Variants in TJP3 observed in about 807,000 individuals in gnomAD.
TJP3 encodes tight junction protein 3.
In TJP3, 85 loss-of-function variants were observed where a neutral mutation model predicts 104.2. The observed-to-expected ratio is 0.82, with a 90% CI of 0.68 to 0.98. The LOEUF is 0.98. Among genes scored for constraint, TJP3 ranks in the 50% least tolerant of loss-of-function variants. TJP3 has a pLI of 0.00. For synonymous variants in TJP3, 550 were observed against 550.6 expected, an observed-to-expected ratio of 1.00 and a Z score of 0.02; for missense variants, 1,367 against 1,322.8, an observed-to-expected ratio of 1.03 and a Z score of -0.52.
chr19:3,745,683 G>A (rs1311565992), intron 15 of TJP3, among the ~76,000 whole-genome samples: 1 of 152,142 alleles, frequency 6.6e-6, no homozygotes, highest in Non-Finnish European at 1.5e-5. Flanking sequence ...GGAGAGCCAG[G>A]GGCTGCAGCT....
At position 3,746,394 on chromosome 19, in the gene TJP3, T is replaced by C; in HGVS notation, c.2011-91T>C. 1.4e-6 allele frequency: 2 copies of C among 1,422,026 alleles called. No homozygotes were observed. The highest frequency in any genetic ancestry group is 1.9e-6 in the Non-Finnish European group (2 of 1,030,054). 88.1% of individuals were successfully genotyped at this position (1,422,026 alleles called of 1,614,324 possible). On this transcript the variant is annotated intron_variant, in intron 16 of 20. Transcript: ENST00000541714. The surrounding 1 kb of genome is among the most constrained non-coding windows in gnomAD (Gnocchi z 4.1). The stretch of plus-strand genomic sequence containing the variant: ...GTGGATGTGAGAGGCTGGGGTCCAC[T>C]CTGACCTCAGACTCTTCATCTTTCT...
At chr19:3,717,676 C>T (rs919873463) in intron 1 of TJP3, among the ~76,000 whole-genome samples, 17 of 151,988 alleles carry the variant, frequency 1.1e-4, no homozygotes, top group Non-Finnish European at 2.2e-4. Flanking sequence ...TCAAGTGATC[C>T]TCCTGCCTTG....
At chr19:3,742,708 C>T (rs1343349196) in intron 14 of TJP3, among the ~76,000 whole-genome samples, 4 of 146,430 alleles carry the variant, frequency 2.7e-5, no homozygotes, top group East Asian at 2.2e-4. Context: ...TTTGGGAGGC[C>T]GAGGTGTAAT....
Position 3,741,800 on chromosome 19 carries a change from C to G in TJP3, c.1843+1037C>G, listed in dbSNP as rs535633819. On this transcript the variant is annotated intron_variant, in intron 14 of 20. Coordinates refer to ENST00000541714, the MANE Select transcript of TJP3 (RefSeq NM_001267560.2). ...CCTGGCCCACATGGTGAAATCCCAT[C>G]TCTACTAAAAGTACAAAAAATTAGC... Among the ~76,000 whole-genome samples, 30 of 150,520 alleles carry G rather than the reference C, an allele frequency of 2.0e-4. 1 individual carries two copies. The South Asian group carries it at 6.3e-3, about 32-fold the overall frequency.
At chr19:3,713,879 CT>C (rs2036454255) in intron 1 of TJP3, among the ~76,000 whole-genome samples, 1 of 147,266 alleles carries the variant, frequency 6.8e-6, no homozygotes. Flanking sequence ...ACATGCCCAG[CT>C]AATTTTTTTT....
intron 1 of TJP3, among the ~76,000 whole-genome samples, chr19:3,720,710 C>T (rs966702426): frequency 1.3e-5 from 2 of 151,998 alleles, no homozygotes; most frequent in South Asian, 2.1e-4. Flanking sequence ...CTGGTCCAGT[C>T]CCTCCTAGGT....
chr19:3,715,208 G>C (rs2036466485), intron 1 of TJP3, among the ~76,000 whole-genome samples: 2 of 151,680 alleles, frequency 1.3e-5, no homozygotes, highest in African/African-American at 4.8e-5. Flanking sequence ...TCCTGCCTCA[G>C]CCTCCCGAGT....
Position 3,744,104 on chromosome 19 carries a change from G to A in TJP3, c.1939+70G>A, listed in dbSNP as rs78473907. The A allele has an allele frequency of 1.4e-4, 200 of 1,436,464 alleles. No homozygotes were observed. The African/African-American group carries it at 2.0e-3, about 14-fold the overall frequency. The allele number at this position is 1,436,464 out of a possible 1,614,324, so 89.0% of individuals were successfully genotyped here. A position where few individuals can be genotyped will look rare whatever the true frequency, so the allele number is the denominator to read the frequency against. On this transcript the variant is annotated intron_variant, in intron 15 of 20. Transcript: ENST00000541714. ...CACAACTGTTTTTTTGTGGGGGGTC[G>A]GGGGAGAGTTAGAATAATGATGGCA...
chr19:3,732,132 G>A (rs2036680044), intron 6 of TJP3, 94 bp downstream of exon 6: 3 of 1,016,856 alleles, frequency 3.0e-6, no homozygotes, highest in Non-Finnish European at 4.2e-6. Flanking sequence ...AGCAGAACTG[G>A]GCCCCAAAGC....
At position 3,730,904 on chromosome 19, in the gene TJP3, T is replaced by A. The variant is rs576381948; in HGVS notation, c.613+198T>A. On this transcript the variant is annotated intron_variant, in intron 5 of 20. Transcript: ENST00000541714. The surrounding 1 kb of genome is among the most constrained non-coding windows in gnomAD (Gnocchi z 7.3). ...CCATGTTGGCAAGGATGGTTTCGAATTCTTGACCTCAGGTGATTCACCCAC... is the reference window on the plus strand; with the variant it reads ...CCATGTTGGCAAGGATGGTTTCGAAATCTTGACCTCAGGTGATTCACCCAC... 6.6e-6 allele frequency among the ~76,000 whole-genome samples: 1 copy of A among 152,216 alleles called. No homozygotes were observed. Among genetic ancestry groups the A allele is most frequent in the African/African-American group, 2.4e-5 (1 of 41,538 alleles).
chr19:3,744,443 A>G (rs1476095185), intron 15 of TJP3, among the ~76,000 whole-genome samples: 1 of 152,052 alleles, frequency 6.6e-6, no homozygotes, highest in African/African-American at 2.4e-5. Flanking sequence ...AGGCGGGTGG[A>G]TCACGAGGTC....
At chr19:3,745,794 C>A (rs1379548693) in intron 15 of TJP3, among the ~76,000 whole-genome samples, 1 of 152,194 alleles carries the variant, frequency 6.6e-6, no homozygotes, top group African/African-American at 2.4e-5. Flanking sequence ...GTACCAGCCA[C>A]CCACTCCTCA....
At position 3,734,614 on chromosome 19, in the gene TJP3, C is replaced by T. The variant is rs531751128; in HGVS notation, c.986+179C>T. Among the ~76,000 whole-genome samples, 8 of 152,322 alleles carry T rather than the reference C, an allele frequency of 5.3e-5. No homozygotes were observed. In the South Asian group the frequency reaches 6.2e-4, roughly 12 times the overall value. ...CATTACCCAGTTCCAAAGCCGTGTCCGCATTTGTAGGTGTTGGTTACAGCA... is the reference window on the plus strand; with the variant it reads ...CATTACCCAGTTCCAAAGCCGTGTCTGCATTTGTAGGTGTTGGTTACAGCA... On this transcript the variant is annotated intron_variant, in intron 8 of 20. Transcript: ENST00000541714.
rs760506645 is a variant in TJP3 at position 3,743,958 on chromosome 19, A to G, written c.1863A>G (p.Val621=). Residue 621 remains valine, a synonymous_variant, in exon 15 of 21, where the codon GTA becomes GTG. Transcript: ENST00000541714. The part of the protein sequence containing the change: ...VLREASFKRP[V]VILGPVADIA... ...CCTCAGCCAGTTTCAAGCGCCCGGT[A>G]GTGATCCTGGGACCCGTGGCCGACA... 51 of 1,614,056 alleles carry G rather than the reference A, an allele frequency of 3.2e-5. No homozygotes were observed. The highest frequency in any genetic ancestry group is 4.0e-5 in the Non-Finnish European group (47 of 1,180,034).
intron 1 of TJP3, among the ~76,000 whole-genome samples, chr19:3,715,332 G>A (rs148832035): frequency 0.017 from 2,539 of 152,108 alleles, 26 homozygotes; most frequent in Middle Eastern, 0.041. Context: ...CTCGTGATCC[G>A]CCCGCCTCGG....
intron 14 of TJP3, among the ~76,000 whole-genome samples, chr19:3,741,093 C>T (rs1016199252): frequency 1.3e-5 from 2 of 152,168 alleles, no homozygotes; most frequent in Admixed American, 1.3e-4. Context: ...CCCTGCCTCC[C>T]TGATTCAAGC....
At chr19:3,738,153 A>G (rs2036762189) in intron 11 of TJP3, among the ~76,000 whole-genome samples, 1 of 152,160 alleles carries the variant, frequency 6.6e-6, no homozygotes, top group South Asian at 2.1e-4. Flanking sequence ...GTGTGTCCAT[A>G]TATCGTTGTC....
intron 14 of TJP3, 43 bp from the exon 15 acceptor site, chr19:3,743,896 G>T (rs1168739722): frequency 6.3e-7 from 1 of 1,587,016 alleles, no homozygotes; most frequent in South Asian, 1.1e-5. Flanking sequence ...GTCTTTGATC[G>T]CAAATGGGAC....
At chr19:3,723,393 A>G (rs893889835) in intron 1 of TJP3, among the ~76,000 whole-genome samples, 1 of 152,212 alleles carries the variant, frequency 6.6e-6, no homozygotes, top group Non-Finnish European at 1.5e-5. Context: ...TTAAGTAGCC[A>G]GAGAGACAGA....
Sources: allele counts gnomAD v4.1 joint callset (sites outside exome capture counted in the v4.1 genomes callset), GRCh38; gene constraint gnomAD v4.1.1; non-coding constraint Gnocchi (gnomAD v3.1); transcripts MANE v1.5; gene names NCBI Gene and HGNC (gene_info 2026-07-23, HGNC 2026-07-21).